Variants in PDE3A observed in about 807,000 individuals in gnomAD.
The protein encoded by PDE3A is phosphodiesterase 3A.
A neutral mutation model predicts 98.3 loss-of-function variants in PDE3A; 43 were observed. The observed-to-expected ratio is 0.44, with a 90% confidence interval of 0.34 to 0.56. The LOEUF is 0.56. PDE3A is among the 20% of genes least tolerant of loss of function. The pLI is 0.01. For missense variants in PDE3A, 1,427 were observed against 1,440.7 expected, an observed-to-expected ratio of 0.99 and a Z score of 0.15; for synonymous variants, 663 against 567.9, an observed-to-expected ratio of 1.17 and a Z score of -2.38.
intron 1 of PDE3A, among the ~76,000 whole-genome samples, chr12:20,492,460 T>C (rs748195696): frequency 3.9e-5 from 6 of 152,218 alleles, no homozygotes; most frequent in Non-Finnish European, 8.8e-5. Context: ...TCAGGGGTCA[T>C]TGAAGACTTT....
chr12:20,614,974 G>A (rs192645895), intron 3 of PDE3A, among the ~76,000 whole-genome samples: 63 of 120,488 alleles, frequency 5.2e-4, no homozygotes, highest in East Asian at 3.0e-3. Flanking sequence ...AAAGACCTTC[G>A]GTTTAACTTT....
intron 2 of PDE3A, among the ~76,000 whole-genome samples, chr12:20,606,583 G>T (rs1030589734): frequency 8.6e-5 from 13 of 152,024 alleles, no homozygotes; most frequent in African/African-American, 3.1e-4. Context: ...AATTGGCCGG[G>T]TGCGGTGGCT....
chr12:20,450,585 C>G (rs1019675746), intron 1 of PDE3A, among the ~76,000 whole-genome samples: 1 of 152,136 alleles, frequency 6.6e-6, no homozygotes, highest in Non-Finnish European at 1.5e-5. Flanking sequence ...GAACAAGATG[C>G]CTAAAATGGA....
At chr12:20,450,025 C>T (rs545637808) in intron 1 of PDE3A, 65 of 666,916 alleles carry the variant, frequency 9.7e-5, no homozygotes, top group East Asian at 7.6e-4. Context: ...CTGGAAGTTA[C>T]GGAAGTTTTT....
Position 20,552,108 on chromosome 12 carries a change from G to T in PDE3A, c.961-4552G>T. The stretch of plus-strand genomic sequence containing the variant: ...AGCTTTCCGGCAACAAGAGGACCGC[G>T]GAACAGTCTTGTGATCAGAAACTCA... On this transcript the variant is annotated intron_variant, in intron 1 of 15. Transcript: ENST00000359062. The surrounding 1 kb of genome is among the most constrained non-coding windows in gnomAD (Gnocchi z 5.1). 2 of 1,613,210 alleles carry T rather than the reference G, an allele frequency of 1.2e-6. No homozygotes were observed. The highest frequency in any genetic ancestry group is 3.3e-5 in the Admixed American group (2 of 60,036).
intron 2 of PDE3A, among the ~76,000 whole-genome samples, chr12:20,579,283 C>T (rs1592076149): frequency 6.6e-6 from 1 of 152,148 alleles, no homozygotes; most frequent in African/African-American, 2.4e-5. Context: ...CTTGATTAAC[C>T]CTTACTGAGG....
chr12:20,446,191 C>G (rs961732008), intron 1 of PDE3A, among the ~76,000 whole-genome samples: 3 of 152,172 alleles, frequency 2.0e-5, no homozygotes, highest in African/African-American at 7.2e-5. Flanking sequence ...GCCTGCCTCT[C>G]TTACTACAAC....
At chr12:20,401,265 A>C (rs1944125304) in intron 1 of PDE3A, among the ~76,000 whole-genome samples, 2 of 152,158 alleles carry the variant, frequency 1.3e-5, no homozygotes, top group South Asian at 2.1e-4. Flanking sequence ...GAACTACCAC[A>C]CTACATCTTC....
chr12:20,507,587 T>G (rs1271521874), intron 1 of PDE3A, among the ~76,000 whole-genome samples: 1 of 152,004 alleles, frequency 6.6e-6, no homozygotes, highest in Non-Finnish European at 1.5e-5. Flanking sequence ...AACAGACGCC[T>G]CATACTCCAA....
rs1445150450 is a variant in PDE3A, at chr12:20,682,096, A to T, written c.*1825A>T. The T allele has an allele frequency of 6.6e-6, 1 of 152,234 alleles. No individual in the cohort carries two copies. Among genetic ancestry groups the T allele is most frequent in the African/African-American group, 2.4e-5 (1 of 41,464 alleles). The allele number at this position is 152,234 out of a possible 1,614,324, so 9.4% of individuals were successfully genotyped here. Reference sequence around the variant, plus strand: ...TAGTTTTATTGCCAGTTAAATGAGGATGCTGCAAAGCATGTTTTTTCACTA... The same window carrying T: ...TAGTTTTATTGCCAGTTAAATGAGGTTGCTGCAAAGCATGTTTTTTCACTA... On this transcript the variant is annotated 3_prime_UTR_variant, in exon 16 of 16. Coordinates refer to ENST00000359062, the MANE Select transcript of PDE3A (RefSeq NM_000921.5).
At chr12:20,618,125 A>G (rs1303892375) in intron 4 of PDE3A, among the ~76,000 whole-genome samples, 1 of 152,162 alleles carries the variant, frequency 6.6e-6, no homozygotes, top group Admixed American at 6.5e-5. Context: ...TCACTGTCCT[A>G]TGAAAAGTAC....
intron 1 of PDE3A, among the ~76,000 whole-genome samples, chr12:20,500,923 A>G (rs1946013464): frequency 6.6e-6 from 1 of 151,934 alleles, no homozygotes; most frequent in Admixed American, 6.6e-5. Flanking sequence ...GTGCGCTACT[A>G]TGCCCAGCTA....
At chr12:20,439,224 C>A (rs577618548) in intron 1 of PDE3A, among the ~76,000 whole-genome samples, 2 of 152,138 alleles carry the variant, frequency 1.3e-5, no homozygotes, top group East Asian at 3.9e-4. Flanking sequence ...CTTAGCTTTG[C>A]AAGAAAAGAG....
rs116085991 is a variant in PDE3A at position 20,684,552 on chromosome 12, C to T, written c.*4281C>T. 1.6e-3 allele frequency among the ~76,000 whole-genome samples: 239 copies of T among 152,210 alleles called. 2 individuals are homozygous for T. Among genetic ancestry groups the T allele is most frequent in the African/African-American group, 5.6e-3 (234 of 41,530 alleles). On this transcript the variant is annotated 3_prime_UTR_variant, in exon 16 of 16. Coordinates refer to ENST00000359062, the MANE Select transcript of PDE3A (RefSeq NM_000921.5). ...CTAAAATATCTATGTACTTTGAAGC[C>T]AAACTGAGTTTATTTCATTGATCGA...
At chr12:20,515,750 T>A (rs1035519224) in intron 1 of PDE3A, among the ~76,000 whole-genome samples, 3 of 117,740 alleles carry the variant, frequency 2.5e-5, no homozygotes, top group South Asian at 2.7e-4. Flanking sequence ...TTATTTATTT[T>A]GAGACGGAGT....
At chr12:20,587,766 G>A (rs1943229564) in intron 2 of PDE3A, among the ~76,000 whole-genome samples, 1 of 152,102 alleles carries the variant, frequency 6.6e-6, no homozygotes, top group Non-Finnish European at 1.5e-5. Flanking sequence ...TTTAACACTA[G>A]GTGTTTATTT....
At chr12:20,452,459 T>C (rs1443344042) in intron 1 of PDE3A, among the ~76,000 whole-genome samples, 1 of 152,230 alleles carries the variant, frequency 6.6e-6, no homozygotes, top group South Asian at 2.1e-4. Flanking sequence ...TCCTTTGCAA[T>C]GTGTCTCCAA....
At chr12:20,450,488 G>T (rs1229279679) in intron 1 of PDE3A, among the ~76,000 whole-genome samples, 2 of 152,188 alleles carry the variant, frequency 1.3e-5, no homozygotes, top group African/African-American at 2.4e-5. Context: ...TTTAATAATT[G>T]TGTTTAAAAT....
intron 1 of PDE3A, among the ~76,000 whole-genome samples, chr12:20,436,322 C>A: frequency 6.6e-6 from 1 of 152,020 alleles, no homozygotes; most frequent in East Asian, 1.9e-4. Context: ...GGGAGAGGGG[C>A]TATACTAAAA....
Sources: allele counts gnomAD v4.1 joint callset (sites outside exome capture counted in the v4.1 genomes callset), GRCh38; gene constraint gnomAD v4.1.1; non-coding constraint Gnocchi (gnomAD v3.1); transcripts MANE v1.5; gene names NCBI Gene and HGNC (gene_info 2026-07-23, HGNC 2026-07-21).